Variants in ABCE1 observed in about 807,000 individuals in gnomAD.
ABCE1 encodes the protein ATP binding cassette subfamily E member 1, also known as ATP-binding cassette sub-family E member 1.
ABCE1 carries 22 observed loss-of-function variants against 83.4 expected under a neutral mutation model. The ratio of observed to expected loss-of-function variants is 0.26; its 90% CI spans 0.19 to 0.38. The LOEUF is 0.38. Ranked by LOEUF, ABCE1 falls within the 10% of genes least tolerant of loss-of-function variation. The probability of loss-of-function intolerance (pLI) is 1.00; values close to 1 mark genes in which losing one functional copy is unlikely to be tolerated. For synonymous variants in ABCE1, 204 were observed against 233.7 expected, an observed-to-expected ratio of 0.87 and a Z score of 1.16; for missense variants, 330 against 721.9, an observed-to-expected ratio of 0.46 and a Z score of 6.22.
Position 145,108,365 on chromosome 4 carries a change from T to A in ABCE1, c.287+253T>A, listed in dbSNP as rs191083919. On this transcript the variant is annotated intron_variant, in intron 4 of 17. Transcript: ENST00000296577. ...CCCAGTTTAATTACATCATAGGGTC[T>A]GGACCTTAGTATATTGAAAAAGTCC... is the stretch of plus-strand genomic sequence containing the variant. Among the ~76,000 whole-genome samples, 98 of 152,348 alleles carry A rather than the reference T, an allele frequency of 6.4e-4. 1 individual carries two copies. Among genetic ancestry groups the A allele is most frequent in the Admixed American group, 2.3e-3 (35 of 15,296 alleles).
At chr4:145,125,999 C>T (rs1247918831) in intron 17 of ABCE1, among the ~76,000 whole-genome samples, 1 of 152,136 alleles carries the variant, frequency 6.6e-6, no homozygotes, top group African/African-American at 2.4e-5. Flanking sequence ...TGAGATCGTT[C>T]CACTGTACTC....
Position 145,103,806 on chromosome 4 carries a change from G to C in ABCE1, c.-27-580G>C, listed in dbSNP as rs569680376. Among the ~76,000 whole-genome samples, 6 of 147,982 alleles carry C rather than the reference G, an allele frequency of 4.1e-5. No individual in the cohort carries two copies. In the East Asian group the frequency reaches 1.0e-3, roughly 25 times the overall value. ...TGAGACTGGGTCTGACTCTCATCCA[G>C]GCTGGAGTGCAGTAGTGTGATCTCA... On this transcript the variant is annotated intron_variant, in intron 1 of 17. Coordinates refer to ENST00000296577, the MANE Select transcript of ABCE1 (RefSeq NM_002940.3).
chr4:145,105,755 T>A, intron 3 of ABCE1, 65 bp downstream of exon 3: 1 of 1,168,080 alleles, frequency 8.6e-7, no homozygotes, highest in Non-Finnish European at 1.3e-6. Context: ...AAATTCTGGA[T>A]ACTATGCTAT....
At chr4:145,103,823 G>A (rs1356903612) in intron 1 of ABCE1, among the ~76,000 whole-genome samples, 1 of 147,060 alleles carries the variant, frequency 6.8e-6, no homozygotes, top group African/African-American at 2.5e-5. Context: ...GTGCAGTAGT[G>A]TGATCTCAGC....
chr4:145,122,236 C>CT (rs1380248933), intron 13 of ABCE1: 1 of 152,192 alleles, frequency 6.6e-6, no homozygotes, highest in African/African-American at 2.4e-5. Context: ...GTCTACTTGG[C>CT]TTAGCTTACC....
At chr4:145,117,492 G>A in intron 10 of ABCE1, 78 bp downstream of exon 10, 1 of 1,427,616 alleles carries the variant, frequency 7.0e-7, no homozygotes, top group Non-Finnish European at 9.5e-7. Flanking sequence ...TTGATATTAA[G>A]TAGTTTTACA....
At chr4:145,122,738 G>A (rs1749777422) in intron 13 of ABCE1, 1 of 220,944 alleles carries the variant, frequency 4.5e-6, no homozygotes, top group Non-Finnish European at 8.9e-6. Context: ...TTGAGCTTGG[G>A]AGGTTGATGC....
chr4:145,103,763 G>GA (rs1312089587), intron 1 of ABCE1, among the ~76,000 whole-genome samples: 1 of 136,918 alleles, frequency 7.3e-6, no homozygotes, highest in Non-Finnish European at 1.5e-5. Flanking sequence ...TGGGTTGGTT[G>GA]GGGTTTTTTT....
chr4:145,114,657 A>G (rs1394547734), intron 9 of ABCE1, among the ~76,000 whole-genome samples: 1 of 149,630 alleles, frequency 6.7e-6, no homozygotes, highest in Non-Finnish European at 1.5e-5. Context: ...GTGTAGATGG[A>G]CCTCGGGGAA....
chr4:145,125,885 C>G (rs374906204), intron 17 of ABCE1, among the ~76,000 whole-genome samples: 12 of 151,914 alleles, frequency 7.9e-5, no homozygotes, highest in African/African-American at 2.7e-4. Flanking sequence ...ACTAAAAATA[C>G]AAAAAATTAG....
chr4:145,108,757 A>G (rs1218188853), intron 4 of ABCE1, among the ~76,000 whole-genome samples: 1 of 152,240 alleles, frequency 6.6e-6, no homozygotes, highest in African/African-American at 2.4e-5. Context: ...AAAGAAAGAC[A>G]TTGTGAGGTT....
At chr4:145,127,440 G>A in intron 17 of ABCE1, 86 bp from the exon 18 acceptor site, 2 of 1,211,714 alleles carry the variant, frequency 1.7e-6, no homozygotes, top group Non-Finnish European at 2.4e-6. Flanking sequence ...TTTAAGCACA[G>A]CTAAGTAATA....
rs751025522 is a variant in ABCE1, at chr4:145,125,063, A to C, written c.1714A>C (p.Asn572His). 2 of 1,613,034 alleles carry C rather than the reference A, an allele frequency of 1.2e-6. No individual in the cohort carries two copies. The highest frequency in any genetic ancestry group is 1.3e-5 in the African/African-American group (1 of 75,004). ...LEITFRRDPN[N>H]YRPRINKLNS... ...AATTACATTCAGAAGAGATCCAAAC[A>C]ACTATAGGCCACGAATAAACAAACT... Residue 572 changes from asparagine to histidine, a missense_variant, in exon 17 of 18, where the codon AAC becomes CAC. Coordinates refer to ENST00000296577, the MANE Select transcript of ABCE1 (RefSeq NM_002940.3).
intron 16 of ABCE1, among the ~76,000 whole-genome samples, chr4:145,124,761 A>T (rs980724785): frequency 6.6e-6 from 1 of 152,164 alleles, no homozygotes; most frequent in Admixed American, 6.5e-5. Flanking sequence ...ATCCAGGTTA[A>T]ATTTTTTTTT....
chr4:145,111,052 A>G lies in ABCE1; in HGVS notation c.698A>G (p.Gln233Arg), dbSNP rs1579214075. The change falls in exon 8 of 18, where the codon CAG becomes CGG. Residue 233 changes from glutamine (Q) to arginine (R), a missense_variant. Transcript: ENST00000296577. The part of the protein sequence containing the change: ...QRFACAVVCI[Q>R]KADIFMFDEP... ...TTTGCTTGTGCTGTCGTTTGCATACAGAAAGCTGATATGTAGGTTACTTTA... is the reference window on the plus strand; with the variant it reads ...TTTGCTTGTGCTGTCGTTTGCATACGGAAAGCTGATATGTAGGTTACTTTA... 1 of 1,610,540 alleles carries G rather than the reference A, an allele frequency of 6.2e-7. No homozygotes were observed. The highest frequency in any genetic ancestry group is 8.5e-7 in the Non-Finnish European group (1 of 1,178,406).
At position 145,121,238 on chromosome 4, in the gene ABCE1, A is replaced by G. The variant is rs1749735423; in HGVS notation, c.1204+5A>G. On this transcript the variant is annotated splice_donor_5th_base_variant and intron_variant, in intron 12 of 17. Coordinates refer to ENST00000296577, the MANE Select transcript of ABCE1 (RefSeq NM_002940.3). The stretch of plus-strand genomic sequence containing the variant: ...GACTTAAACCTGATGAAGGAGGTAC[A>G]TTTGTAACTGTTGAGTCTTTTTACT... 1.9e-6 allele frequency: 3 copies of G among 1,613,838 alleles called. No individual in the cohort carries two copies. Among genetic ancestry groups the G allele is most frequent in the South Asian group, 1.1e-5 (1 of 91,064 alleles).
At chr4:145,098,721 C>T (rs1748975102) in intron 1 of ABCE1, among the ~76,000 whole-genome samples, 1 of 152,216 alleles carries the variant, frequency 6.6e-6, no homozygotes. Flanking sequence ...TTACCCCACT[C>T]CCGCCCTGAA....
At position 145,110,829 on chromosome 4, in the gene ABCE1, C is replaced by G. The variant is rs1579213875; in HGVS notation, c.614-139C>G. The G allele has an allele frequency of 6.7e-6, 4 of 598,992 alleles. No homozygotes were observed. In the East Asian group the frequency reaches 1.2e-4, roughly 17 times the overall value. 37.1% of individuals were successfully genotyped at this position (598,992 alleles called of 1,614,324 possible). On this transcript the variant is annotated intron_variant, in intron 7 of 17. Coordinates refer to ENST00000296577, the MANE Select transcript of ABCE1 (RefSeq NM_002940.3). ...AAAGTACACATCTTTATGTGGATTA[C>G]TGAAAATCTCCAGTAATTGTTATAT...
intron 7 of ABCE1, 199 bp from the exon 8 acceptor site, chr4:145,110,769 G>A (rs1749448017): frequency 3.6e-6 from 2 of 551,964 alleles, no homozygotes; most frequent in Non-Finnish European, 6.4e-6. Context: ...GCCATTTTGT[G>A]TATATATTTC....
Sources: gnomAD v4.1 joint callset for allele counts (sites outside exome capture counted in the v4.1 genomes callset) on GRCh38, gnomAD v4.1.1 for gene constraint, MANE v1.5 for transcripts, NCBI Gene and HGNC (gene_info 2026-07-23, HGNC 2026-07-21) for gene names.